Variants in POMGNT1 observed in about 807,000 individuals in gnomAD.
The protein encoded by POMGNT1 is protein O-linked mannose N-acetylglucosaminyltransferase 1 (beta 1,2-).
POMGNT1 carries 67 observed loss-of-function variants against 95.6 expected under a neutral mutation model. The observed-to-expected ratio is 0.70, with a 90% CI of 0.58 to 0.86. The LOEUF is 0.86. POMGNT1 is among the 40% of genes least tolerant of loss of function. The pLI, the probability that POMGNT1 is intolerant of heterozygous loss-of-function variation, is 0.00. For missense variants in POMGNT1, 719 were observed against 855.2 expected (o/e 0.84, Z 1.99); for synonymous variants, 298 against 317.9 (o/e 0.94, Z 0.66).
exon 1 of POMGNT1, chr1:46,220,069 C>A (rs1243163650): frequency 6.2e-7 from 1 of 1,614,206 alleles, no homozygotes; most frequent in Admixed American, 1.7e-5. Context: ...GTGGCAGCCA[C>A]CAGGCTAGGG....
At chr1:46,198,001 G>C in intron 1 of POMGNT1, 130 bp from the exon 2 acceptor site, 1 of 881,694 alleles carries the variant, frequency 1.1e-6, no homozygotes, top group East Asian at 2.7e-5. Context: ...TGGGGAAAGT[G>C]GCTCAACTTC....
At chr1:46,189,727 A>G in intron 20 of POMGNT1, 127 bp downstream of exon 20, 1 of 1,553,016 alleles carries the variant, frequency 6.4e-7, no homozygotes. Context: ...AGGTTGGAAG[A>G]GGTGTTCTAA....
chr1:46,203,337 T>G, upstream of POMGNT1: 3 of 1,232,964 alleles, frequency 2.4e-6, no homozygotes, highest in Non-Finnish European at 2.2e-6. Context: ...ACCCACCGGT[T>G]TTGCTCCGCT....
At chr1:46,203,512 G>A in intron 1 of POMGNT1, 4 of 1,559,558 alleles carry the variant, frequency 2.6e-6, no homozygotes, top group Non-Finnish European at 3.5e-6. Context: ...GGGCTGCTCC[G>A]CGGGCTGCGA....
chr1:46,200,383 C>T (rs548777550), upstream of POMGNT1, among the ~76,000 whole-genome samples: 112 of 152,236 alleles, frequency 7.4e-4, no homozygotes, highest in Non-Finnish European at 7.9e-4. Flanking sequence ...GCCCCTCTAA[C>T]GCAACAGCAC....
At chr1:46,205,218 A>G (rs941145616) in intron 1 of POMGNT1, among the ~76,000 whole-genome samples, 1 of 152,062 alleles carries the variant, frequency 6.6e-6, no homozygotes, top group Non-Finnish European at 1.5e-5. Context: ...AAATCGCACC[A>G]CTGCACTCCA....
At chr1:46,219,686 C>T (rs1289031770) in intron 1 of POMGNT1, 8 of 1,556,922 alleles carry the variant, frequency 5.1e-6, no homozygotes, top group Non-Finnish European at 6.9e-6. Context: ...AATTCCTTCT[C>T]CCACTCCCCC....
upstream of POMGNT1, chr1:46,203,402 C>T: frequency 2.1e-6 from 3 of 1,437,470 alleles, no homozygotes; most frequent in South Asian, 1.5e-5. Flanking sequence ...TCCGGTCGCC[C>T]AGCCCTTTTC....
intron 9 of POMGNT1, 148 bp from the exon 10 acceptor site, chr1:46,194,073 C>T (rs1321354869): frequency 1.3e-6 from 2 of 1,536,598 alleles, no homozygotes; most frequent in Non-Finnish European, 1.8e-6. Context: ...GCTCTCCACA[C>T]ACTCAGCCCA....
intron 11 of POMGNT1, 37 bp downstream of exon 11, chr1:46,193,527 T>G (rs767495837): frequency 1.2e-6 from 2 of 1,614,086 alleles, no homozygotes; most frequent in East Asian, 4.5e-5. Flanking sequence ...TGCTCCATGT[T>G]GTACTCCACC....
chr1:46,194,074 A>G (rs2148197832), intron 9 of POMGNT1, 149 bp from the exon 10 acceptor site: 1 of 1,533,184 alleles, frequency 6.5e-7, no homozygotes, highest in East Asian at 2.4e-5. Flanking sequence ...CTCTCCACAC[A>G]CTCAGCCCAA....
chr1:46,218,069 G>A (rs1480107638), intron 1 of POMGNT1, among the ~76,000 whole-genome samples: 1 of 152,152 alleles, frequency 6.6e-6, no homozygotes, highest in Non-Finnish European at 1.5e-5. Context: ...TTGTGGAACT[G>A]TTTGCCTCTT....
Position 46,192,344 on chromosome 1 carries a change from C to G in POMGNT1, c.1377G>C (p.Lys459Asn), listed in dbSNP as rs768983994. 4 of 1,614,190 alleles carry G rather than the reference C, an allele frequency of 2.5e-6. No homozygotes were observed. Among genetic ancestry groups the G allele is most frequent in the Non-Finnish European group, 3.4e-6 (4 of 1,180,026 alleles). The change falls in exon 16 of 22, where the codon AAG becomes AAC. Residue 459 changes from lysine (K) to asparagine (N), a missense_variant. Lys to Asn is a moderately conservative substitution (Grantham distance 94). Around this residue, in one of 5 missense-constraint regions of POMGNT1, gnomAD observed 118 missense variants for 153.6 expected, o/e 0.77. Coordinates refer to ENST00000371984, the MANE Select transcript of POMGNT1 (RefSeq NM_017739.4). ...LGWVLRRSLY[K>N]EELEPKWPTP... ...TAGGCCACTTGGGCTCAAGCTCCTC[C>G]TTGTACAAGGACCTCCTGAGCACCC...
rs750507609 is a variant in POMGNT1 at position 46,188,852 on chromosome 1, T to C, written c.*418A>G. 2 of 1,612,862 alleles carry C rather than the reference T, an allele frequency of 1.2e-6. No individual in the cohort carries two copies. Among genetic ancestry groups the C allele is most frequent in the South Asian group, 1.1e-5 (1 of 91,086 alleles). On this transcript the variant is annotated 3_prime_UTR_variant, in exon 22 of 22. Transcript: ENST00000371984. ...TGTCCATGGGTTGGGCACAGCAGTT[T>C]CCTGAGTAAGAGCCAGCCCCACCCT...
chr1:46,190,152 C>G, intron 19 of POMGNT1, 163 bp from the exon 20 acceptor site: 2 of 862,166 alleles, frequency 2.3e-6, no homozygotes, highest in Non-Finnish European at 3.4e-6. Flanking sequence ...AGGCTGGAGT[C>G]TCCTGCCTCA....
At chr1:46,218,818 C>T (rs1012110651) in intron 1 of POMGNT1, among the ~76,000 whole-genome samples, 2 of 151,958 alleles carry the variant, frequency 1.3e-5, no homozygotes, top group African/African-American at 4.8e-5. Flanking sequence ...TCCTTCTAAG[C>T]TCTGGCCAAC....
intron 1 of POMGNT1, among the ~76,000 whole-genome samples, chr1:46,206,543 T>C (rs1658723266): frequency 6.6e-6 from 1 of 152,178 alleles, no homozygotes; most frequent in African/African-American, 2.4e-5. Context: ...GCTGCATCTC[T>C]CCTGAGCTGT....
chr1:46,215,304 C>T (rs1659033318), intron 1 of POMGNT1, among the ~76,000 whole-genome samples: 1 of 151,140 alleles, frequency 6.6e-6, no homozygotes. Flanking sequence ...TCAGGACACC[C>T]TCTGTCCAAG....
At chr1:46,206,487 C>T (rs1658720665) in intron 1 of POMGNT1, among the ~76,000 whole-genome samples, 1 of 152,064 alleles carries the variant, frequency 6.6e-6, no homozygotes, top group African/African-American at 2.4e-5. Flanking sequence ...GAGTAGGGAG[C>T]CTGAATCTCC....
Sources: allele counts gnomAD v4.1 joint callset (sites outside exome capture counted in the v4.1 genomes callset), GRCh38; gene constraint gnomAD v4.1.1; regional missense constraint gnomAD v4.1.1; transcripts MANE v1.5; gene names NCBI Gene and HGNC (gene_info 2026-07-23, HGNC 2026-07-21).